SYTL3: variants seen among roughly 807,000 people sequenced by gnomAD.
SYTL3 encodes synaptotagmin-like protein 3.
SYTL3 carries 88 observed loss-of-function variants against 82.1 expected under a neutral mutation model. That is an observed-to-expected ratio of 1.07 (90% CI 0.90 to 1.28). SYTL3 has a LOEUF of 1.28. SYTL3 is among the 50% of genes most tolerant of loss of function. The pLI, the probability that SYTL3 is intolerant of heterozygous loss-of-function variation, is 0.00. For missense variants in SYTL3, 831 were observed against 757.6 expected (o/e 1.10, Z -1.14); for synonymous variants, 311 against 289.4 (o/e 1.07, Z -0.76).
In SYTL3 at chr6:158,713,794, T is replaced by C. The variant is rs964359352; in HGVS notation, c.517-6T>C. On this transcript the variant is annotated splice_region_variant and splice_polypyrimidine_tract_variant and intron_variant, in intron 8 of 17. Coordinates refer to ENST00000611299, the MANE Select transcript of SYTL3 (RefSeq NM_001242394.2). ...TTCTCATTCTCTCCTTCTGTCTCTGTTTTAGTTACAGGAATTTGGTCAGTT... is the reference window on the plus strand; with the variant it reads ...TTCTCATTCTCTCCTTCTGTCTCTGCTTTAGTTACAGGAATTTGGTCAGTT... The C allele has an allele frequency of 1.2e-5, 18 of 1,541,342 alleles. No individual in the cohort carries two copies. Among genetic ancestry groups the C allele is most frequent in the Non-Finnish European group, 1.5e-5 (17 of 1,138,224 alleles).
At chr6:158,756,719 A>ATTTTTTTTT (rs758259824) in intron 13 of SYTL3, among the ~76,000 whole-genome samples, 6 of 48,572 alleles carry the variant, frequency 1.2e-4, no homozygotes, top group Non-Finnish European at 1.7e-4. Flanking sequence ...TCAAAAAAAA[A>ATTTTTTTTT]TTTTTTTTTT....
chr6:158,677,620 A>T (rs986623514), intron 5 of SYTL3, among the ~76,000 whole-genome samples: 1 of 148,820 alleles, frequency 6.7e-6, no homozygotes, highest in Non-Finnish European at 1.5e-5. Flanking sequence ...CGGAAGAATC[A>T]CTTGAACCCG....
At chr6:158,728,135 C>T (rs961556309) in intron 11 of SYTL3, among the ~76,000 whole-genome samples, 5 of 151,934 alleles carry the variant, frequency 3.3e-5, no homozygotes, top group South Asian at 2.1e-4. Context: ...TGTTCTTTTA[C>T]GGTTAAGTCT....
intron 2 of SYTL3, among the ~76,000 whole-genome samples, chr6:158,655,740 A>C (rs1788597573): frequency 6.6e-6 from 1 of 152,168 alleles, no homozygotes. Context: ...CACCGCCGTG[A>C]AGTGGGTGCT....
At chr6:158,692,788 A>C (rs1452357670) in intron 6 of SYTL3, among the ~76,000 whole-genome samples, 2 of 149,890 alleles carry the variant, frequency 1.3e-5, no homozygotes, top group Admixed American at 6.6e-5. Flanking sequence ...AAAAAAAAAA[A>C]AAAATACAAA....
intron 14 of SYTL3, among the ~76,000 whole-genome samples, chr6:158,758,522 C>T (rs1789464245): frequency 6.6e-6 from 1 of 152,132 alleles, no homozygotes; most frequent in Non-Finnish European, 1.5e-5. Flanking sequence ...CCGACCTGGA[C>T]ATAAGGCACA....
At chr6:158,724,155 C>G (rs181823524) in intron 10 of SYTL3, among the ~76,000 whole-genome samples, 101 of 152,324 alleles carry the variant, frequency 6.6e-4, no homozygotes, top group African/African-American at 2.2e-3. Context: ...TTCCTACTAG[C>G]TAGTGAGCCC....
intron 8 of SYTL3, among the ~76,000 whole-genome samples, chr6:158,708,774 C>T (rs1328351581): frequency 6.6e-6 from 1 of 152,060 alleles, no homozygotes; most frequent in African/African-American, 2.4e-5. Context: ...TGAGTGTTTG[C>T]AGGCTCTGAT....
At chr6:158,744,013 G>A (rs1787269728) in intron 11 of SYTL3, among the ~76,000 whole-genome samples, 1 of 152,046 alleles carries the variant, frequency 6.6e-6, no homozygotes, top group East Asian at 1.9e-4. Context: ...CTGCCTCCCA[G>A]GTTAAAGCAA....
intron 4 of SYTL3, 128 bp downstream of exon 4, chr6:158,663,506 A>G: frequency 6.7e-7 from 1 of 1,482,052 alleles, no homozygotes; most frequent in Non-Finnish European, 9.0e-7. Flanking sequence ...GTGCCTGAGA[A>G]GGGTCCTAAC....
chr6:158,693,512 G>A (rs1780146863), intron 6 of SYTL3, among the ~76,000 whole-genome samples: 1 of 152,146 alleles, frequency 6.6e-6, no homozygotes, highest in African/African-American at 2.4e-5. Flanking sequence ...AGCCTCCTGA[G>A]TAGTGGAGAT....
chr6:158,692,454 T>C (rs1472662328), intron 6 of SYTL3, among the ~76,000 whole-genome samples: 1 of 152,028 alleles, frequency 6.6e-6, no homozygotes, highest in Non-Finnish European at 1.5e-5. Flanking sequence ...TTGTATCTTA[T>C]AATTATGAAG....
chr6:158,757,527 A>T, intron 14 of SYTL3, 146 bp downstream of exon 14: 1 of 884,456 alleles, frequency 1.1e-6, no homozygotes, highest in Non-Finnish European at 1.7e-6. Flanking sequence ...TGACTTTGAA[A>T]TAGTTACTTT....
intron 5 of SYTL3, among the ~76,000 whole-genome samples, chr6:158,666,986 G>A (rs12528573): frequency 6.6e-6 from 1 of 152,174 alleles, no homozygotes; most frequent in Non-Finnish European, 1.5e-5. Flanking sequence ...TTCCTTGCTT[G>A]AGAGCAAAAA....
At position 158,760,642 on chromosome 6, in the gene SYTL3, G is replaced by A. The variant is rs369106255; in HGVS notation, c.1311G>A (p.Ala437=). The A allele has an allele frequency of 1.6e-4, 260 of 1,613,536 alleles. No homozygotes were observed. The Admixed American group carries it at 2.5e-3, about 16-fold the overall frequency. Residue 437 remains alanine (A), a splice_region_variant and synonymous_variant, in exon 15 of 18, where the codon GCG becomes GCA. Transcript: ENST00000611299. ...TAAGCTCTGCCTCTTGTCCCCAGGC[G>A]GAGAAATACGAAGACAGCGTTCCTC... The part of the protein sequence containing the change: ...SFRWHPLRAK[A]EKYEDSVPQS...
chr6:158,717,961 T>G (rs1783618604), intron 9 of SYTL3, 126 bp from the exon 10 acceptor site: 2 of 827,254 alleles, frequency 2.4e-6, no homozygotes, highest in East Asian at 3.2e-5. Context: ...TGCTCCTCCG[T>G]GCACTTTGCC....
intron 2 of SYTL3, among the ~76,000 whole-genome samples, chr6:158,653,228 C>A (rs140930300): frequency 2.6e-5 from 4 of 151,930 alleles, no homozygotes; most frequent in African/African-American, 9.7e-5. Context: ...GCAAGCAGGC[C>A]GGTCGCAGTG....
intron 6 of SYTL3, among the ~76,000 whole-genome samples, chr6:158,691,211 G>T (rs1329595270): frequency 6.6e-6 from 1 of 152,092 alleles, no homozygotes; most frequent in Non-Finnish European, 1.5e-5. Context: ...GCTGGACATG[G>T]TGACACACGC....
chr6:158,707,306 T>TC (rs773389158), intron 7 of SYTL3, 25 bp downstream of exon 7: 3 of 1,612,458 alleles, frequency 1.9e-6, no homozygotes, highest in East Asian at 2.2e-5. Context: ...GGACAGACCG[T>TC]CCCTGGCCCT....
Sources: allele counts gnomAD v4.1 joint callset (sites outside exome capture counted in the v4.1 genomes callset), GRCh38; gene constraint gnomAD v4.1.1; transcripts MANE v1.5; gene names NCBI Gene and HGNC (gene_info 2026-07-23, HGNC 2026-07-21).